ARHGAP24: variants seen among roughly 807,000 people sequenced by gnomAD.
ARHGAP24 encodes rho GTPase-activating protein 24.
Under a neutral mutation model 76.4 loss-of-function variants are expected in ARHGAP24, and 50 were observed. That is an observed-to-expected ratio of 0.65 (90% CI 0.52 to 0.83). The LOEUF (loss-of-function observed/expected upper bound fraction) is 0.83. Ranked by LOEUF, ARHGAP24 falls within the 40% of genes least tolerant of loss-of-function variation. The pLI is 0.00. For missense variants in ARHGAP24, 930 were observed against 914.2 expected (o/e 1.02, Z -0.22); for synonymous variants, 345 against 323.3 (o/e 1.07, Z -0.72).
intron 1 of ARHGAP24, among the ~76,000 whole-genome samples, chr4:85,505,831 G>T (rs1183242398): frequency 6.6e-6 from 1 of 152,022 alleles, no homozygotes; most frequent in East Asian, 1.9e-4. Context: ...TCAACTTTTT[G>T]CCCTGGTTTC....
chr4:85,673,984 T>G (rs62315309), intron 2 of ARHGAP24, among the ~76,000 whole-genome samples: 14,744 of 151,340 alleles, frequency 0.097, 1,026 homozygotes, highest in East Asian at 0.29. Flanking sequence ...AAATCTGGAC[T>G]AATGTGTTGT....
chr4:85,942,629 T>G (rs562275399), intron 5 of ARHGAP24, among the ~76,000 whole-genome samples: 53 of 152,292 alleles, frequency 3.5e-4, no homozygotes, highest in African/African-American at 1.3e-3. Context: ...AAAAGTATTA[T>G]GAGTAGAGAT....
intron 3 of ARHGAP24, among the ~76,000 whole-genome samples, chr4:85,815,958 G>A (rs1047209564): frequency 2.6e-5 from 4 of 152,170 alleles, no homozygotes; most frequent in Non-Finnish European, 5.9e-5. Flanking sequence ...GCGGCAGCAG[G>A]AAAGAATGAG....
At chr4:85,818,306 G>A (rs1344364700) in intron 3 of ARHGAP24, among the ~76,000 whole-genome samples, 1 of 152,102 alleles carries the variant, frequency 6.6e-6, no homozygotes, top group African/African-American at 2.4e-5. Flanking sequence ...ACCTGCAGGG[G>A]GTGAAATCAA....
intron 1 of ARHGAP24, among the ~76,000 whole-genome samples, chr4:85,495,263 G>A (rs1274787011): frequency 2.0e-5 from 3 of 151,842 alleles, no homozygotes; most frequent in South Asian, 2.1e-4. Context: ...AGAGGTAAAG[G>A]GTCAGAAGGA....
Position 85,694,454 on chromosome 4 carries a change from C to T in ARHGAP24, c.181-27431C>T, listed in dbSNP as rs747126108. On this transcript the variant is annotated intron_variant, in intron 2 of 9. Coordinates refer to ENST00000395184, the MANE Select transcript of ARHGAP24 (RefSeq NM_001025616.3). ...TATCTGTCCTATTCACCACGGTATA[C>T]CAAGCATCTAGAGCAGCACAATCAC... Among the ~76,000 whole-genome samples, 56 of 152,198 alleles carry T rather than the reference C, an allele frequency of 3.7e-4. 1 individual carries two copies. Among genetic ancestry groups the T allele is most frequent in the Admixed American group, 1.2e-3 (19 of 15,288 alleles).
intron 1 of ARHGAP24, among the ~76,000 whole-genome samples, chr4:85,560,786 A>G (rs924257444): frequency 6.6e-6 from 1 of 152,202 alleles, no homozygotes; most frequent in Non-Finnish European, 1.5e-5. Context: ...CACTTGGTTC[A>G]ATCATTTTTG....
intron 4 of ARHGAP24, among the ~76,000 whole-genome samples, chr4:85,941,449 G>A (rs1053407345): frequency 6.6e-6 from 1 of 152,152 alleles, no homozygotes; most frequent in South Asian, 2.1e-4. Context: ...CACTTCTAGT[G>A]TGCTCTGCTT....
chr4:85,828,978 A>G (rs1729857496), intron 3 of ARHGAP24, among the ~76,000 whole-genome samples: 2 of 152,192 alleles, frequency 1.3e-5, no homozygotes, highest in Admixed American at 1.3e-4. Flanking sequence ...AAGATAATAC[A>G]TTGAAATGAG....
At chr4:85,722,378 C>CAAAAAAAAAAAAAA (rs1200528162) in intron 3 of ARHGAP24, 1 of 141,262 alleles carries the variant, frequency 7.1e-6, no homozygotes, top group African/African-American at 3.0e-5. Context: ...GGAGGTTTTG[C>CAAAAAAAAAAAAAA]AAAAAACAAA....
intron 1 of ARHGAP24, among the ~76,000 whole-genome samples, chr4:85,564,431 T>C (rs10084834): frequency 0.51 from 72,299 of 142,354 alleles, 19,150 homozygotes; most frequent in Middle Eastern, 0.64. Context: ...TTAGGAGATA[T>C]ACCTAATGTA....
At chr4:85,930,129 A>G in intron 4 of ARHGAP24, 1 of 601,496 alleles carries the variant, frequency 1.7e-6, no homozygotes, top group Non-Finnish European at 2.1e-6. Flanking sequence ...CAGCCCTGCC[A>G]GCTCCCTCCC....
chr4:85,817,224 GTTGA>G (rs1729278753), intron 3 of ARHGAP24, among the ~76,000 whole-genome samples: 1 of 152,034 alleles, frequency 6.6e-6, no homozygotes, highest in South Asian at 2.1e-4. Context: ...TCTCCAGTCT[GTTGA>G]TTGTTTCATT....
chr4:85,796,320 T>C (rs1728337940), intron 3 of ARHGAP24, among the ~76,000 whole-genome samples: 1 of 151,894 alleles, frequency 6.6e-6, no homozygotes, highest in Non-Finnish European at 1.5e-5. Flanking sequence ...TGAATTTTTG[T>C]TAACAGTGTT....
chr4:85,964,045 T>C (rs539537044), intron 5 of ARHGAP24, among the ~76,000 whole-genome samples: 16 of 152,222 alleles, frequency 1.1e-4, no homozygotes, highest in African/African-American at 3.9e-4. Flanking sequence ...AGGTGAGTAA[T>C]ATAAACTTGA....
At chr4:85,879,983 G>A (rs1232440174) in intron 3 of ARHGAP24, among the ~76,000 whole-genome samples, 2 of 152,128 alleles carry the variant, frequency 1.3e-5, no homozygotes, top group African/African-American at 4.8e-5. Flanking sequence ...TAATGCTGTG[G>A]TAATGCTCGC....
intron 1 of ARHGAP24, among the ~76,000 whole-genome samples, chr4:85,566,205 G>A (rs1692659766): frequency 6.6e-6 from 1 of 152,170 alleles, no homozygotes; most frequent in African/African-American, 2.4e-5. Context: ...TTCTAACCAA[G>A]GTGATAGCTC....
chr4:85,639,469 AC>A lies in ARHGAP24; in HGVS notation c.180+68751del, dbSNP rs764370522. On this transcript the variant is annotated intron_variant, in intron 2 of 9. Coordinates refer to ENST00000395184, the MANE Select transcript of ARHGAP24 (RefSeq NM_001025616.3). Reference sequence around the variant, plus strand: ...AAGAATAGGATTTGGATCTCTTTGTACCCTGTCCAGTGTTCGGTAAGCCTAA... The same window carrying A: ...AAGAATAGGATTTGGATCTCTTTGTACCTGTCCAGTGTTCGGTAAGCCTAA... Among the ~76,000 whole-genome samples, 265 of 152,206 alleles carry A rather than the reference AC, an allele frequency of 1.7e-3. 1 individual carries two copies. Among genetic ancestry groups the A allele is most frequent in the Non-Finnish European group, 5.4e-4 (37 of 67,972 alleles).
At chr4:85,868,534 A>G (rs1732338828) in intron 3 of ARHGAP24, among the ~76,000 whole-genome samples, 1 of 152,170 alleles carries the variant, frequency 6.6e-6, no homozygotes, top group African/African-American at 2.4e-5. Context: ...GTATTGGCCT[A>G]TACTCTGAAC....
Sources: gnomAD v4.1 joint callset for allele counts (sites outside exome capture counted in the v4.1 genomes callset) on GRCh38, gnomAD v4.1.1 for gene constraint, MANE v1.5 for transcripts, NCBI Gene and HGNC (gene_info 2026-07-23, HGNC 2026-07-21) for gene names.